PRR11: variants seen among roughly 807,000 people sequenced by gnomAD.
The protein encoded by PRR11 is proline rich 11, also known as proline-rich protein 11.
Under a neutral mutation model 45.6 loss-of-function variants are expected in PRR11, and 30 were observed. The observed-to-expected ratio is 0.66, with a 90% CI of 0.49 to 0.89. The LOEUF (loss-of-function observed/expected upper bound fraction) is 0.89, where lower values mean the gene tolerates loss of function less well. Among genes scored for constraint, PRR11 ranks in the 40% least tolerant of loss-of-function variants. The pLI is 0.00. For missense variants in PRR11, 373 were observed against 424.8 expected (o/e 0.88, Z 1.07); for synonymous variants, 128 against 153.5 (o/e 0.83, Z 1.23).
At chr17:59,176,957 G>A (rs760148855) in intron 2 of PRR11, among the ~76,000 whole-genome samples, 3 of 151,928 alleles carry the variant, frequency 2.0e-5, no homozygotes, top group Non-Finnish European at 2.9e-5. Flanking sequence ...TCGGCCTCCC[G>A]AAGTGCTGGG....
At chr17:59,163,764 C>T (rs2046665402) in intron 1 of PRR11, 1 of 152,108 alleles carries the variant, frequency 6.6e-6, no homozygotes, top group South Asian at 2.1e-4. Context: ...TTTTGTGACA[C>T]ATGAAAAGTA....
intron 4 of PRR11, among the ~76,000 whole-genome samples, chr17:59,191,957 C>T (rs2046842325): frequency 6.6e-6 from 1 of 152,136 alleles, no homozygotes; most frequent in African/African-American, 2.4e-5. Flanking sequence ...GGGATGATAC[C>T]ATTTGTGGGA....
Position 59,197,627 on chromosome 17 carries a change from G to T in PRR11, c.917+24G>T, listed in dbSNP as rs115631993. 10,149 of 1,611,490 alleles carry T rather than the reference G, an allele frequency of 6.3e-3. 603 individuals carry two copies. In the African/African-American group the frequency reaches 0.12, roughly 19 times the overall value. Reference sequence around the variant, plus strand: ...AGGTAATACACTCTCATATCTTTATGCCTTCTACGTCCATTTTAAAAGTTG... The same window carrying T: ...AGGTAATACACTCTCATATCTTTATTCCTTCTACGTCCATTTTAAAAGTTG... On this transcript the variant is annotated intron_variant, in intron 8 of 9. Coordinates refer to ENST00000262293, the MANE Select transcript of PRR11 (RefSeq NM_018304.4).
chr17:59,181,552 A>C, intron 2 of PRR11: 1 of 1,236,024 alleles, frequency 8.1e-7, no homozygotes, highest in Non-Finnish European at 1.2e-6. Context: ...AGGGAGCACG[A>C]ATGACACTAG....
chr17:59,157,683 C>T (rs1403693633), intron 1 of PRR11, among the ~76,000 whole-genome samples: 3 of 151,492 alleles, frequency 2.0e-5, no homozygotes, highest in Non-Finnish European at 4.4e-5. Context: ...GCCCGGGTGA[C>T]AGAGCGAGAC....
At position 59,202,937 on chromosome 17, in the gene PRR11, G is replaced by T. The variant is rs1211735762; in HGVS notation, c.*1306G>T. On this transcript the variant is annotated 3_prime_UTR_variant, in exon 10 of 10. Coordinates refer to ENST00000262293, the MANE Select transcript of PRR11 (RefSeq NM_018304.4). ...GTGTCCAAGTTACTTGTGAAGCTGAGGTGGGAGGATCACTTGAGCCCAAGA... is the reference window on the plus strand; with the variant it reads ...GTGTCCAAGTTACTTGTGAAGCTGATGTGGGAGGATCACTTGAGCCCAAGA... 1 of 152,184 alleles carries T rather than the reference G, an allele frequency of 6.6e-6. No homozygotes were observed. The highest frequency in any genetic ancestry group is 1.5e-5 in the Non-Finnish European group (1 of 68,048). The allele number at this position is 152,184 out of a possible 1,614,324, so 9.4% of individuals were successfully genotyped here.
At chr17:59,165,631 A>G (rs1388036999) in intron 1 of PRR11, among the ~76,000 whole-genome samples, 1 of 150,150 alleles carries the variant, frequency 6.7e-6, no homozygotes, top group African/African-American at 2.5e-5. Flanking sequence ...CGTCTCTACT[A>G]AAAATACAAA....
chr17:59,170,624 G>T (rs2046703098), intron 2 of PRR11, among the ~76,000 whole-genome samples: 1 of 151,820 alleles, frequency 6.6e-6, no homozygotes, highest in African/African-American at 2.4e-5. Flanking sequence ...ATGCTGTGTT[G>T]CCCAGGCTGG....
At chr17:59,167,104 C>T (rs2046683772) in intron 1 of PRR11, among the ~76,000 whole-genome samples, 1 of 152,162 alleles carries the variant, frequency 6.6e-6, no homozygotes, top group South Asian at 2.1e-4. Flanking sequence ...GCGGAGCTTG[C>T]AGTGAGCCAA....
intron 4 of PRR11, among the ~76,000 whole-genome samples, chr17:59,188,785 A>G (rs2046826313): frequency 1.3e-5 from 2 of 151,702 alleles, no homozygotes. Context: ...CTAAAAATAC[A>G]AAAAATTAGC....
chr17:59,195,507 C>T (rs761501303), intron 7 of PRR11, 64 bp downstream of exon 7: 88 of 1,096,230 alleles, frequency 8.0e-5, no homozygotes, highest in Non-Finnish European at 1.1e-4. Context: ...TGTACAAAGG[C>T]CTAAAGAAAA....
chr17:59,173,651 C>T (rs575861850), intron 2 of PRR11, among the ~76,000 whole-genome samples: 10 of 152,334 alleles, frequency 6.6e-5, no homozygotes, highest in Admixed American at 3.9e-4. Context: ...ACTCCGGACA[C>T]GCCACCTTTA....
rs1258037405 is a variant in PRR11 at position 59,205,282 on chromosome 17, G to A, written c.*3651G>A. 1.3e-5 allele frequency among the ~76,000 whole-genome samples: 2 copies of A among 151,978 alleles called. No homozygotes were observed. Among genetic ancestry groups the A allele is most frequent in the African/African-American group, 4.8e-5 (2 of 41,420 alleles). On this transcript the variant is annotated 3_prime_UTR_variant, in exon 10 of 10. Transcript: ENST00000262293. The stretch of plus-strand genomic sequence containing the variant: ...TGCTCCCGGTGTTTACTTTGAGACT[G>A]AATGGCAACCAGAGAATGTAAACAA...
chr17:59,174,957 A>G, intron 2 of PRR11: 1 of 879,030 alleles, frequency 1.1e-6, no homozygotes, highest in South Asian at 1.4e-5. Context: ...CACCCCGCCT[A>G]CCTCCTCCAA....
At chr17:59,178,078 A>G (rs2046758676) in intron 2 of PRR11, among the ~76,000 whole-genome samples, 1 of 151,914 alleles carries the variant, frequency 6.6e-6, no homozygotes, top group Non-Finnish European at 1.5e-5. Context: ...TCACATCTGT[A>G]ATCCCAGCAT....
chr17:59,163,354 G>T (rs2046663251), intron 1 of PRR11, among the ~76,000 whole-genome samples: 1 of 152,106 alleles, frequency 6.6e-6, no homozygotes, highest in African/African-American at 2.4e-5. Context: ...CAAAGTGCTG[G>T]GATTATAGGC....
intron 2 of PRR11, chr17:59,181,479 G>C: frequency 9.1e-7 from 1 of 1,099,320 alleles, no homozygotes; most frequent in Admixed American, 1.8e-5. Flanking sequence ...AAAAGAACAG[G>C]ATTGGAGGTG....
intron 9 of PRR11, among the ~76,000 whole-genome samples, chr17:59,200,583 C>A (rs2046887604): frequency 6.6e-6 from 1 of 152,158 alleles, no homozygotes; most frequent in Non-Finnish European, 1.5e-5. Flanking sequence ...AGCTCTGCCT[C>A]CTGGGTTCAC....
chr17:59,174,799 C>T (rs1394235364), intron 2 of PRR11, among the ~76,000 whole-genome samples: 1 of 152,124 alleles, frequency 6.6e-6, no homozygotes, highest in Non-Finnish European at 1.5e-5. Flanking sequence ...GGTGCGATCT[C>T]GTGCCCACAC....
Sources: gnomAD v4.1 joint callset for allele counts (sites outside exome capture counted in the v4.1 genomes callset) on GRCh38, gnomAD v4.1.1 for gene constraint, MANE v1.5 for transcripts, NCBI Gene and HGNC (gene_info 2026-07-23, HGNC 2026-07-21) for gene names.